Variants in VSTM2B observed in about 807,000 individuals in gnomAD.
VSTM2B encodes the protein V-set and transmembrane domain containing 2B, also known as V-set and transmembrane domain-containing protein 2B.
A neutral mutation model predicts 24.0 loss-of-function variants in VSTM2B; 24 were observed. The observed-to-expected ratio is 1.00, with a 90% confidence interval of 0.72 to 1.40. The LOEUF is 1.40. VSTM2B is among the 40% of genes most tolerant of loss of function. The pLI, the probability that VSTM2B is intolerant of heterozygous loss-of-function variation, is 0.00. For synonymous variants in VSTM2B, 226 were observed against 194.4 expected, an observed-to-expected ratio of 1.16 and a Z score of -1.35; for missense variants, 399 against 416.4, an observed-to-expected ratio of 0.96 and a Z score of 0.36.
intron 4 of VSTM2B, among the ~76,000 whole-genome samples, chr19:29,537,688 C>A (rs950975569): frequency 1.3e-5 from 2 of 150,950 alleles, no homozygotes; most frequent in Non-Finnish European, 2.9e-5. Flanking sequence ...CTTTTCCCCA[C>A]AACCACCCGC....
intron 4 of VSTM2B, among the ~76,000 whole-genome samples, chr19:29,546,713 C>T (rs1228521812): frequency 1.3e-5 from 2 of 151,486 alleles, no homozygotes; most frequent in East Asian, 1.9e-4. Context: ...GGGCCGCCTG[C>T]GGCCCCCTCT....
At chr19:29,527,443 G>C in intron 2 of VSTM2B, 48 bp downstream of exon 2, 1 of 1,409,002 alleles carries the variant, frequency 7.1e-7, no homozygotes, top group Admixed American at 3.2e-5. Flanking sequence ...CTCGCGCCCG[G>C]GGCGGCGAAG....
At chr19:29,546,180 CT>C (rs1157233591) in intron 4 of VSTM2B, among the ~76,000 whole-genome samples, 1 of 152,182 alleles carries the variant, frequency 6.6e-6, no homozygotes, top group Non-Finnish European at 1.5e-5. Flanking sequence ...GGAAAGGAAT[CT>C]AGCAAAGGGA....
chr19:29,537,265 C>G (rs1283472720), intron 4 of VSTM2B, among the ~76,000 whole-genome samples: 1 of 152,184 alleles, frequency 6.6e-6, no homozygotes, highest in East Asian at 1.9e-4. Flanking sequence ...CTTTGGTGCT[C>G]TCAGGGAAGA....
At position 29,553,300 on chromosome 19, in the gene VSTM2B, A is replaced by C. The variant is rs144382680; in HGVS notation, c.770-10546A>C. ...CACTGATGACACCTCCAGGTATGGG[A>C]GAAACCCCAGTGAATAGGGTCTGGA... On this transcript the variant is annotated intron_variant, in intron 4 of 4. Transcript: ENST00000335523. Among the ~76,000 whole-genome samples, 469 of 152,330 alleles carry C rather than the reference A, an allele frequency of 3.1e-3. 4 individuals carry two copies. The highest frequency in any genetic ancestry group is 0.018 in the East Asian group (94 of 5,190).
upstream of VSTM2B, chr19:29,525,452 C>G (rs1969533535): frequency 6.8e-6 from 1 of 148,108 alleles, no homozygotes; most frequent in Non-Finnish European, 1.5e-5. Flanking sequence ...AGCGTGTGCG[C>G]TCTCCGCGCC....
Position 29,552,445 on chromosome 19 carries a change from G to A in VSTM2B, c.770-11401G>A, listed in dbSNP as rs887347298. Among the ~76,000 whole-genome samples the A allele has an allele frequency of 9.9e-5, 15 of 152,176 alleles. No individual in the cohort carries two copies. The East Asian group carries it at 1.2e-3, about 12-fold the overall frequency. On this transcript the variant is annotated intron_variant, in intron 4 of 4. Coordinates refer to ENST00000335523, the MANE Select transcript of VSTM2B (RefSeq NM_001146339.2). ...AGAGCAAGGAAAAGCAGGGTGGTGC[G>A]GTGGCCCACCTGGGAGCCGCATGGG...
intron 4 of VSTM2B, among the ~76,000 whole-genome samples, chr19:29,562,500 C>A (rs1970553668): frequency 6.6e-6 from 1 of 152,206 alleles, no homozygotes; most frequent in Non-Finnish European, 1.5e-5. Context: ...CCCCTCCTCA[C>A]AGGCACGGGG....
chr19:29,529,147 A>G (rs1377539356), intron 3 of VSTM2B: 1 of 984,798 alleles, frequency 1.0e-6, no homozygotes, highest in Non-Finnish European at 1.2e-6. Context: ...TACTTCCCGA[A>G]GTCCCCACCG....
rs1969577112 is a variant in VSTM2B, at chr19:29,526,654, T to A, written c.71T>A (p.Phe24Tyr). ...CTGCTGCTGCATGCCCTGCTGCTCT[T>A]CGTGGCCGACGGTGAGCGCGGGAAC... ...PPLLLHALLLFVADAAFTEVP... is the reference protein window; with the variant it reads ...PPLLLHALLLYVADAAFTEVP... The change falls in exon 1 of 5, where the codon TTC (phenylalanine) becomes TAC (tyrosine). Residue 24 changes from phenylalanine (F) to tyrosine (Y), a missense_variant. By Grantham distance (22) the Phe-to-Tyr change is conservative (BLOSUM62 3). Transcript: ENST00000335523. This position sits in a 1 kb window ranked among gnomAD's most constrained non-coding sequence, Gnocchi z 4.1. The A allele has an allele frequency of 6.5e-7, 1 of 1,528,790 alleles. No homozygotes were observed. Among genetic ancestry groups the A allele is most frequent in the Non-Finnish European group, 8.7e-7 (1 of 1,143,056 alleles). The allele number at this position is 1,528,790 out of a possible 1,614,324, so 94.7% of individuals were successfully genotyped here.
At position 29,551,042 on chromosome 19, in the gene VSTM2B, A is replaced by G. The variant is rs558693373; in HGVS notation, c.770-12804A>G. Among the ~76,000 whole-genome samples the G allele has an allele frequency of 1.1e-4, 17 of 152,330 alleles. 2 individuals are homozygous for G. The highest frequency in any genetic ancestry group is 3.1e-4 in the African/African-American group (13 of 41,584). The stretch of plus-strand genomic sequence containing the variant: ...ATTACCCCAAAGGCAGAGGGAAGCC[A>G]TCCATACTTCTAGAAACATGGGCAG... On this transcript the variant is annotated intron_variant, in intron 4 of 4. Transcript: ENST00000335523.
At chr19:29,549,628 CCCCTGACGCTGG>C (rs1970232950) in intron 4 of VSTM2B, among the ~76,000 whole-genome samples, 3 of 152,072 alleles carry the variant, frequency 2.0e-5, no homozygotes, top group African/African-American at 7.2e-5. Context: ...CCCCAGTAGA[CCCCTGACGCTGG>C]CCTCAGTGCT....
At position 29,530,029 on chromosome 19, in the gene VSTM2B, G is replaced by A. The variant is rs770949464; in HGVS notation, c.508G>A (p.Gly170Ser). 7 of 1,529,948 alleles carry A rather than the reference G, an allele frequency of 4.6e-6. No homozygotes were observed. The highest frequency in any genetic ancestry group is 5.2e-6 in the Non-Finnish European group (6 of 1,143,392). The allele number at this position is 1,529,948 out of a possible 1,614,324, so 94.8% of individuals were successfully genotyped here. ...GGCCGTGTCCCACATCCAGAGCAGCGGCCCGCGTCGCCACGGCCCAGCCAG... is the reference window on the plus strand; with the variant it reads ...GGCCGTGTCCCACATCCAGAGCAGCAGCCCGCGTCGCCACGGCCCAGCCAG... ...AEAVSHIQSS[G>S]PRRHGPASAA... The change falls in exon 4 of 5, where the codon GGC becomes AGC. Residue 170 changes from glycine to serine, a missense_variant. Coordinates refer to ENST00000335523, the MANE Select transcript of VSTM2B (RefSeq NM_001146339.2).
chr19:29,557,560 G>C (rs1041184786), intron 4 of VSTM2B, among the ~76,000 whole-genome samples: 1 of 152,084 alleles, frequency 6.6e-6, no homozygotes, highest in Admixed American at 6.6e-5. Context: ...TTAGCTGAGC[G>C]TGGTGGTGGA....
intron 4 of VSTM2B, among the ~76,000 whole-genome samples, chr19:29,557,845 C>T (rs569775158): frequency 1.3e-5 from 2 of 152,180 alleles, no homozygotes; most frequent in African/African-American, 2.4e-5. Context: ...CAAAAATTGA[C>T]AAATGGGATC....
intron 4 of VSTM2B, among the ~76,000 whole-genome samples, chr19:29,544,245 G>A (rs961286304): frequency 1.3e-5 from 2 of 151,656 alleles, no homozygotes; most frequent in African/African-American, 2.4e-5. Context: ...CTGAATGTGC[G>A]GCCGGGCGCG....
chr19:29,561,922 C>T (rs1422043858), intron 4 of VSTM2B, among the ~76,000 whole-genome samples: 1 of 152,220 alleles, frequency 6.6e-6, no homozygotes, highest in Non-Finnish European at 1.5e-5. Context: ...AGAGGCAGAG[C>T]ACCAGCCTGA....
At chr19:29,527,430 C>A in intron 2 of VSTM2B, 35 bp downstream of exon 2, 2 of 1,426,848 alleles carry the variant, frequency 1.4e-6, no homozygotes, top group Non-Finnish European at 9.1e-7. Flanking sequence ...GGCGCGCGCC[C>A]GGCTCGCGCC....
Position 29,526,719 on chromosome 19 carries a change from C to A in VSTM2B, c.82+54C>A. On this transcript the variant is annotated intron_variant, in intron 1 of 4. Coordinates refer to ENST00000335523, the MANE Select transcript of VSTM2B (RefSeq NM_001146339.2). This position sits in a 1 kb window ranked among gnomAD's most constrained non-coding sequence, Gnocchi z 4.1. Reference sequence around the variant, plus strand: ...GGACTCGGGGGGGTCTTTGCTGGGGCCGCCACCGAGAAGAAGAAGAAAGAG... The same window carrying A: ...GGACTCGGGGGGGTCTTTGCTGGGGACGCCACCGAGAAGAAGAAGAAAGAG... 1 of 1,439,824 alleles carries A rather than the reference C, an allele frequency of 6.9e-7. No individual in the cohort carries two copies. The highest frequency in any genetic ancestry group is 9.4e-7 in the Non-Finnish European group (1 of 1,068,518). 89.2% of individuals were successfully genotyped at this position (1,439,824 alleles called of 1,614,324 possible). A position where few individuals can be genotyped will look rare whatever the true frequency, so the allele number is the denominator to read the frequency against.
Sources: allele counts gnomAD v4.1 joint callset (sites outside exome capture counted in the v4.1 genomes callset), GRCh38; gene constraint gnomAD v4.1.1; non-coding constraint Gnocchi (gnomAD v3.1); transcripts MANE v1.5; gene names NCBI Gene and HGNC (gene_info 2026-07-23, HGNC 2026-07-21).